OSBPL1A: variants seen among roughly 807,000 people sequenced by gnomAD.
OSBPL1A encodes the protein oxysterol-binding protein-related protein 1.
A neutral mutation model predicts 137.1 loss-of-function variants in OSBPL1A; 80 were observed. The ratio of observed to expected loss-of-function variants is 0.58; its 90% CI spans 0.49 to 0.70. The LOEUF is 0.70. OSBPL1A is among the 30% of genes least tolerant of loss of function. OSBPL1A has a pLI of 0.00. For missense variants in OSBPL1A, 970 were observed against 1,129.4 expected (o/e 0.86, Z 2.02); for synonymous variants, 365 against 389.7 (o/e 0.94, Z 0.75).
intron 2 of OSBPL1A, chr18:24,368,627 C>T (rs1234127684): frequency 2.4e-5 from 8 of 330,324 alleles, no homozygotes; most frequent in South Asian, 1.9e-4. Flanking sequence ...GGGTTACATT[C>T]GAGCTAGATG....
At chr18:24,204,522 A>G (rs970637657) in intron 17 of OSBPL1A, among the ~76,000 whole-genome samples, 1 of 148,806 alleles carries the variant, frequency 6.7e-6, no homozygotes, top group African/African-American at 2.5e-5. Flanking sequence ...TGTGTTTTCT[A>G]TCTTGGTGAA....
At chr18:24,297,005 C>T (rs1448910942) in intron 14 of OSBPL1A, among the ~76,000 whole-genome samples, 2 of 152,098 alleles carry the variant, frequency 1.3e-5, no homozygotes, top group African/African-American at 4.8e-5. Flanking sequence ...TAGGGTGATA[C>T]TGGCTTCATA....
At chr18:24,381,009 G>A (rs1906550428) in intron 1 of OSBPL1A, among the ~76,000 whole-genome samples, 1 of 151,760 alleles carries the variant, frequency 6.6e-6, no homozygotes. Flanking sequence ...TATAAACTCT[G>A]CAGGAAGCCA....
At chr18:24,247,470 GTGTT>G (rs1046122745) in intron 15 of OSBPL1A, among the ~76,000 whole-genome samples, 5 of 152,150 alleles carry the variant, frequency 3.3e-5, no homozygotes, top group South Asian at 2.1e-4. Context: ...TGGACAAGAG[GTGTT>G]TGTTTGTTTG....
chr18:24,326,556 T>C (rs536973737), intron 7 of OSBPL1A, among the ~76,000 whole-genome samples: 36 of 152,320 alleles, frequency 2.4e-4, no homozygotes, highest in Admixed American at 1.6e-3. Context: ...TTCCATTATG[T>C]ATCCTGGAAA....
intron 15 of OSBPL1A, among the ~76,000 whole-genome samples, chr18:24,241,806 C>T (rs1236311021): frequency 2.0e-5 from 3 of 152,038 alleles, no homozygotes; most frequent in East Asian, 3.9e-4. Context: ...AAATCATTCT[C>T]CTATAAAGAC....
chr18:24,239,072 G>T, intron 16 of OSBPL1A, 148 bp downstream of exon 16: 2 of 844,574 alleles, frequency 2.4e-6, no homozygotes, highest in Non-Finnish European at 1.7e-6. Context: ...AAAAAATCTG[G>T]GGAGCTATAC....
At chr18:24,348,650 T>C (rs553097877) in intron 4 of OSBPL1A, among the ~76,000 whole-genome samples, 87 of 152,200 alleles carry the variant, frequency 5.7e-4, no homozygotes, top group African/African-American at 2.0e-3. Context: ...GATGCGCACC[T>C]ATAATCCCAG....
chr18:24,372,266 C>T (rs1053751829), intron 2 of OSBPL1A, among the ~76,000 whole-genome samples: 14 of 147,230 alleles, frequency 9.5e-5, no homozygotes, highest in African/African-American at 2.6e-4. Context: ...CAGAGCAAGA[C>T]GCTGTCGCAA....
intron 15 of OSBPL1A, among the ~76,000 whole-genome samples, chr18:24,244,914 A>T (rs1413504704): frequency 1.3e-5 from 2 of 152,200 alleles, no homozygotes; most frequent in African/African-American, 4.8e-5. Flanking sequence ...ATAAGTGATT[A>T]TTATTCACAG....
chr18:24,357,791 A>C (rs1043853248), intron 4 of OSBPL1A: 1 of 152,140 alleles, frequency 6.6e-6, no homozygotes. Context: ...CATGTCAGTA[A>C]ATTTTTAGAA....
At chr18:24,213,494 G>A (rs1433537158) in intron 17 of OSBPL1A, among the ~76,000 whole-genome samples, 4 of 152,104 alleles carry the variant, frequency 2.6e-5, no homozygotes, top group Non-Finnish European at 4.4e-5. Flanking sequence ...CTTGAACCCA[G>A]GAGGCAGAGG....
At chr18:24,334,452 T>C (rs557128170) in intron 5 of OSBPL1A, 122 bp from the exon 6 acceptor site, 1 of 580,676 alleles carries the variant, frequency 1.7e-6, no homozygotes, top group East Asian at 3.3e-5. Context: ...TCAAATGCAG[T>C]TAAAATTTAT....
At chr18:24,270,875 A>T (rs2089701366) in intron 15 of OSBPL1A, among the ~76,000 whole-genome samples, 3 of 152,304 alleles carry the variant, frequency 2.0e-5, no homozygotes, top group African/African-American at 7.2e-5. Context: ...AGAAACTTTT[A>T]ATAGCCTTAA....
At chr18:24,259,078 G>A (rs192457) in intron 15 of OSBPL1A, among the ~76,000 whole-genome samples, 1 of 151,530 alleles carries the variant, frequency 6.6e-6, no homozygotes, top group African/African-American at 2.4e-5. Context: ...GTGGGACTAC[G>A]CCCAGCTAAT....
At chr18:24,318,217 G>T (rs976924926) in intron 9 of OSBPL1A, among the ~76,000 whole-genome samples, 4 of 152,000 alleles carry the variant, frequency 2.6e-5, no homozygotes, top group African/African-American at 9.7e-5. Context: ...AGGCCAAGGC[G>T]GGTGGATCAC....
chr18:24,175,117 T>TATATATATACAC (rs1555625055), intron 21 of OSBPL1A, among the ~76,000 whole-genome samples: 1 of 35,638 alleles, frequency 2.8e-5, no homozygotes, highest in African/African-American at 5.7e-5. Flanking sequence ...TGTATATATA[T>TATATATATACAC]ATATATATAT....
intron 15 of OSBPL1A, among the ~76,000 whole-genome samples, chr18:24,264,305 C>T (rs973364295): frequency 1.3e-5 from 2 of 152,028 alleles, no homozygotes; most frequent in African/African-American, 4.8e-5. Flanking sequence ...CCTCTTTGCC[C>T]TTAGCTCTAA....
At chr18:24,360,437 T>G (rs2091604611) in intron 4 of OSBPL1A, among the ~76,000 whole-genome samples, 1 of 152,238 alleles carries the variant, frequency 6.6e-6, no homozygotes, top group Admixed American at 6.5e-5. Context: ...ATAACTTGAT[T>G]CTTTTCATGA....
Sources: gnomAD v4.1 joint callset for allele counts (sites outside exome capture counted in the v4.1 genomes callset) on GRCh38, gnomAD v4.1.1 for gene constraint, MANE v1.5 for transcripts, NCBI Gene and HGNC (gene_info 2026-07-23, HGNC 2026-07-21) for gene names.